Variants in ADCY9 observed in about 807,000 individuals in gnomAD.
ADCY9 encodes the protein adenylate cyclase type 9.
A neutral mutation model predicts 101.5 loss-of-function variants in ADCY9; 50 were observed. The observed-to-expected ratio is 0.49, with a 90% CI of 0.39 to 0.62. The LOEUF (loss-of-function observed/expected upper bound fraction) is 0.62. Among genes scored for constraint, ADCY9 ranks in the 20% least tolerant of loss-of-function variants. The pLI is 0.00. For synonymous variants in ADCY9, 905 were observed against 769.3 expected (o/e 1.18, Z -2.92); for missense variants, 1,662 against 1,800.4 (o/e 0.92, Z 1.39).
intron 2 of ADCY9, among the ~76,000 whole-genome samples, chr16:4,032,378 G>A (rs539438018): frequency 6.6e-6 from 1 of 152,284 alleles, no homozygotes; most frequent in South Asian, 2.1e-4. Flanking sequence ...CCTGCGGCAG[G>A]TGGAGGGCAG....
chr16:4,047,291 G>C (rs920233037), intron 2 of ADCY9, among the ~76,000 whole-genome samples: 2 of 151,104 alleles, frequency 1.3e-5, no homozygotes, highest in African/African-American at 4.9e-5. Flanking sequence ...ATCAAAGAAA[G>C]AAAGAAAAGA....
intron 10 of ADCY9, among the ~76,000 whole-genome samples, chr16:3,969,104 G>A (rs556574158): frequency 2.0e-5 from 3 of 152,184 alleles, no homozygotes; most frequent in East Asian, 1.9e-4. Flanking sequence ...GATCACAGGC[G>A]TGAGCCACCG....
intron 3 of ADCY9, among the ~76,000 whole-genome samples, chr16:3,999,849 C>A (rs956247324): frequency 6.6e-6 from 1 of 152,230 alleles, no homozygotes; most frequent in African/African-American, 2.4e-5. Context: ...GTGCACCCTA[C>A]ATTCCGGTCA....
intron 2 of ADCY9, among the ~76,000 whole-genome samples, chr16:4,106,542 A>G (rs912418782): frequency 6.6e-6 from 1 of 152,212 alleles, no homozygotes; most frequent in African/African-American, 2.4e-5. Context: ...GGCAAAGTAC[A>G]AATGATATGC....
intron 2 of ADCY9, among the ~76,000 whole-genome samples, chr16:4,082,685 C>T (rs2056911691): frequency 6.9e-6 from 1 of 145,088 alleles, no homozygotes; most frequent in South Asian, 2.2e-4. Context: ...CCCATGCATG[C>T]ATGCACACAT....
chr16:3,987,985 T>G (rs1417333698), intron 6 of ADCY9, among the ~76,000 whole-genome samples: 1 of 147,902 alleles, frequency 6.8e-6, no homozygotes, highest in African/African-American at 2.7e-5. Context: ...TGCTGGAGGC[T>G]GTGAGGAGGG....
intron 2 of ADCY9, among the ~76,000 whole-genome samples, chr16:4,102,879 G>A (rs139971064): frequency 2.6e-5 from 4 of 151,664 alleles, no homozygotes; most frequent in African/African-American, 4.8e-5. Flanking sequence ...CCACCACCAC[G>A]CCTGGCTAAT....
At chr16:3,979,345 G>A (rs532109555) in intron 7 of ADCY9, 70 bp from the exon 8 acceptor site, 12 of 1,563,724 alleles carry the variant, frequency 7.7e-6, no homozygotes, top group Admixed American at 7.0e-5. Context: ...AGACAGGTGC[G>A]AGGCCGCAGC....
At chr16:4,037,834 G>GCAGTGAACA (rs1354853043) in intron 2 of ADCY9, among the ~76,000 whole-genome samples, 1 of 152,186 alleles carries the variant, frequency 6.6e-6, no homozygotes, top group Non-Finnish European at 1.5e-5. Context: ...GCATCAGAAG[G>GCAGTGAACA]CAGTGAACAG....
chr16:4,053,690 G>A (rs1429616190), intron 2 of ADCY9, among the ~76,000 whole-genome samples: 1 of 110 alleles, frequency 9.1e-3, no homozygotes, highest in Non-Finnish European at 0.021. Flanking sequence ...TGGATGGCAC[G>A]GGGACCCGAT....
chr16:4,103,705 C>T (rs991224130), intron 2 of ADCY9, among the ~76,000 whole-genome samples: 3 of 152,310 alleles, frequency 2.0e-5, no homozygotes, highest in African/African-American at 7.2e-5. Context: ...TGGCACACAT[C>T]TGTAAATCCC....
At chr16:4,108,456 C>T (rs1448055599) in intron 2 of ADCY9, among the ~76,000 whole-genome samples, 1 of 135,714 alleles carries the variant, frequency 7.4e-6, no homozygotes, top group Non-Finnish European at 1.5e-5. Flanking sequence ...TCACTGCAAA[C>T]TCCACCTCCT....
At chr16:4,111,532 C>T (rs1158606747) in intron 2 of ADCY9, among the ~76,000 whole-genome samples, 4 of 152,166 alleles carry the variant, frequency 2.6e-5, no homozygotes, top group Non-Finnish European at 5.9e-5. Context: ...ACTGTGCTGT[C>T]ATCTCAATTT....
chr16:3,977,589 C>A lies in ADCY9; in HGVS notation c.2721G>T (p.Val907=), dbSNP rs2056103547. Residue 907 remains valine, a synonymous_variant, in exon 9 of 11, where the codon GTG becomes GTT. Coordinates refer to ENST00000294016, the MANE Select transcript of ADCY9 (RefSeq NM_001116.4). ...TGAGCTGGCAGAAGTTACAGTAGTG[C>A]ACGACGGCAATCAGCGCGGCCGAGC... ...FTGSAALIAV[V]HYCNFCQLSS... 7 of 1,612,252 alleles carry A rather than the reference C, an allele frequency of 4.3e-6. 1 individual carries two copies. Among genetic ancestry groups the A allele is most frequent in the Non-Finnish European group, 5.9e-6 (7 of 1,179,546 alleles).
Position 4,115,194 on chromosome 16 carries a change from G to C in ADCY9, c.249C>G (p.Phe83Leu). 1.9e-6 allele frequency: 3 copies of C among 1,613,634 alleles called. No individual in the cohort carries two copies. Among genetic ancestry groups the C allele is most frequent in the Non-Finnish European group, 2.5e-6 (3 of 1,179,952 alleles). ...LRRQKKLPQL[F>L]ERASSRWWDP... ...CCCACCAGCGGCTGGAGGCCCTCTC[G>C]AACAGCTGGGGCAGCTTCTTCTGCC... Residue 83 changes from phenylalanine to leucine, a missense_variant, in exon 2 of 11, where the codon TTC (phenylalanine) becomes TTG (leucine). Phe to Leu is a conservative substitution (Grantham distance 22). Transcript: ENST00000294016. The surrounding 1 kb of genome is among the most constrained non-coding windows in gnomAD (Gnocchi z 6.2).
chr16:3,994,896 G>A (rs530166479), intron 3 of ADCY9, among the ~76,000 whole-genome samples: 9 of 152,252 alleles, frequency 5.9e-5, no homozygotes, highest in African/African-American at 2.2e-4. Flanking sequence ...TCATAAGATG[G>A]GCTGAATAAT....
At chr16:4,001,024 C>A (rs1198487864) in intron 3 of ADCY9, among the ~76,000 whole-genome samples, 1 of 124,550 alleles carries the variant, frequency 8.0e-6, no homozygotes, top group Non-Finnish European at 1.8e-5. Flanking sequence ...TAATTTCTTA[C>A]TTTGAAATAA....
intron 2 of ADCY9, among the ~76,000 whole-genome samples, chr16:4,044,166 G>A (rs1360754955): frequency 1.3e-5 from 2 of 152,010 alleles, no homozygotes; most frequent in Admixed American, 6.6e-5. Flanking sequence ...AGCCAACATG[G>A]TGCAACCCCA....
At position 3,965,499 on chromosome 16, in the gene ADCY9, T is replaced by TCGAGGC. The variant is rs2141669358; in HGVS notation, c.*270_*275dup. Reference sequence around the variant, plus strand: ...CCACTGGCGGCCTCTGTCCCGAGACTCGAGGCCGAGGCCAGCCCTGAAGGC... The same window carrying TCGAGGC: ...CCACTGGCGGCCTCTGTCCCGAGACTCGAGGCCGAGGCCGAGGCCAGCCCTGAAGGC... On this transcript the variant is annotated 3_prime_UTR_variant, in exon 11 of 11. Coordinates refer to ENST00000294016, the MANE Select transcript of ADCY9 (RefSeq NM_001116.4). 1 of 484,490 alleles carries TCGAGGC rather than the reference T, an allele frequency of 2.1e-6. No individual in the cohort carries two copies. Among genetic ancestry groups the TCGAGGC allele is most frequent in the East Asian group, 3.4e-5 (1 of 29,334 alleles). The allele number at this position is 484,490 out of a possible 1,614,324, so 30.0% of individuals were successfully genotyped here.
Sources: allele counts gnomAD v4.1 joint callset (sites outside exome capture counted in the v4.1 genomes callset), GRCh38; gene constraint gnomAD v4.1.1; non-coding constraint Gnocchi (gnomAD v3.1); transcripts MANE v1.5; gene names NCBI Gene and HGNC (gene_info 2026-07-23, HGNC 2026-07-21).